LOC400499: variants seen among roughly 807,000 people sequenced by gnomAD.
At chr16:11,431,325 T>C in the LOC400499 span, 4 of 398,244 alleles carry the variant, frequency 1.0e-5, no homozygotes, top group Non-Finnish European at 1.8e-5. Flanking sequence ...CAGGATGACC[T>C]GGGACAAGGA....
the LOC400499 span, chr16:11,447,799 G>C: frequency 1.4e-5 from 17 of 1,222,282 alleles, no homozygotes; most frequent in Non-Finnish European, 1.8e-5. Context: ...CTGGGATTTA[G>C]GTTCCATCTG....
chr16:11,385,817 C>T, the LOC400499 span, among the ~76,000 whole-genome samples: 98 of 152,280 alleles, frequency 6.4e-4, no homozygotes, highest in Admixed American at 2.3e-3. Flanking sequence ...GTTTTAAAAT[C>T]GACTGTGGTG....
chr16:11,462,635 C>T, the LOC400499 span, among the ~76,000 whole-genome samples: 3 of 152,270 alleles, frequency 2.0e-5, no homozygotes, highest in Admixed American at 6.5e-5. Flanking sequence ...GTTGGCTAGG[C>T]TGGTCTCAAG....
the LOC400499 span, chr16:11,385,460 C>G: frequency 7.5e-6 from 9 of 1,204,576 alleles, no homozygotes; most frequent in Non-Finnish European, 9.3e-6. Flanking sequence ...GGGCCAGCTC[C>G]ACCCACCGCA....
At chr16:11,503,571 C>A in the LOC400499 span, among the ~76,000 whole-genome samples, 2 of 152,204 alleles carry the variant, frequency 1.3e-5, no homozygotes, top group Admixed American at 1.3e-4. Flanking sequence ...GAGGCTGGGA[C>A]CTGCTTCCCT....
the LOC400499 span, among the ~76,000 whole-genome samples, chr16:11,476,612 CTAA>C: frequency 2.0e-5 from 3 of 151,980 alleles, no homozygotes; most frequent in African/African-American, 7.3e-5. Flanking sequence ...CACATGCATG[CTAA>C]TGTCACATCC....
the LOC400499 span, among the ~76,000 whole-genome samples, chr16:11,451,939 C>G: frequency 6.6e-6 from 1 of 152,172 alleles, no homozygotes; most frequent in Non-Finnish European, 1.5e-5. Flanking sequence ...GATGGCACCA[C>G]AGAAGAACAG....
chr16:11,460,980 G>A, the LOC400499 span: 17 of 1,535,108 alleles, frequency 1.1e-5, no homozygotes, highest in Non-Finnish European at 1.5e-5. Context: ...GGCTGTACTG[G>A]ATCCTCAGGG....
the LOC400499 span, among the ~76,000 whole-genome samples, chr16:11,470,361 C>T: frequency 2.0e-5 from 3 of 152,188 alleles, no homozygotes; most frequent in Admixed American, 6.5e-5. Flanking sequence ...ACACACTCTG[C>T]GAGTACCTCG....
the LOC400499 span, among the ~76,000 whole-genome samples, chr16:11,520,569 A>C: frequency 2.0e-5 from 3 of 151,016 alleles, no homozygotes; most frequent in African/African-American, 4.9e-5. Context: ...CAGGAGGCTG[A>C]CGCAGGAGAA....
chr16:11,424,905 A>G, the LOC400499 span, among the ~76,000 whole-genome samples: 2 of 152,064 alleles, frequency 1.3e-5, no homozygotes, highest in African/African-American at 2.4e-5. Flanking sequence ...AGCTGATTTG[A>G]AGCCTGTCAA....
At chr16:11,448,437 G>A in the LOC400499 span, among the ~76,000 whole-genome samples, 17 of 152,276 alleles carry the variant, frequency 1.1e-4, no homozygotes, top group South Asian at 2.5e-3. Flanking sequence ...CCAACACTTC[G>A]GGAGGCTGAG....
the LOC400499 span, among the ~76,000 whole-genome samples, chr16:11,489,984 G>A: frequency 6.6e-6 from 1 of 152,194 alleles, no homozygotes; most frequent in Admixed American, 6.5e-5. Context: ...GCCTATCAGT[G>A]GAGACGGGTA....
At chr16:11,495,195 C>G in the LOC400499 span, among the ~76,000 whole-genome samples, 2 of 142,310 alleles carry the variant, frequency 1.4e-5, no homozygotes, top group Admixed American at 7.3e-5. Flanking sequence ...GGTGGCAGAG[C>G]GAAACTCTGT....
the LOC400499 span, among the ~76,000 whole-genome samples, chr16:11,424,596 C>G: frequency 4.6e-5 from 7 of 152,262 alleles, no homozygotes; most frequent in Non-Finnish European, 8.8e-5. Flanking sequence ...TTGCCACATG[C>G]AGCCGGTGAT....
the LOC400499 span, chr16:11,460,045 A>G: frequency 7.0e-7 from 1 of 1,437,794 alleles, no homozygotes; most frequent in Non-Finnish European, 9.1e-7. Flanking sequence ...TCCTCATGCC[A>G]GAGCTGGACC....
the LOC400499 span, among the ~76,000 whole-genome samples, chr16:11,475,237 G>A: frequency 6.6e-5 from 10 of 152,084 alleles, no homozygotes; most frequent in Admixed American, 2.6e-4. Context: ...CTAGATGACA[G>A]GTTGATGGGT....
the LOC400499 span, among the ~76,000 whole-genome samples, chr16:11,390,838 G>T: frequency 6.6e-6 from 1 of 152,196 alleles, no homozygotes. Context: ...TGCCAGTGTG[G>T]CAGCCCCCAA....
the LOC400499 span, among the ~76,000 whole-genome samples, chr16:11,393,163 C>A: frequency 3.3e-3 from 420 of 127,980 alleles, 7 homozygotes; most frequent in African/African-American, 0.012. Context: ...CACCCCCCCC[C>A]CTTTTTTTTA....
Sources: allele counts gnomAD v4.1 joint callset (sites outside exome capture counted in the v4.1 genomes callset), GRCh38; gene constraint gnomAD v4.1.1; transcripts MANE v1.5.